Variants in SPI1 observed in about 807,000 individuals in gnomAD.
SPI1 encodes the protein transcription factor PU.1.
In SPI1, 3 loss-of-function variants were observed where a neutral mutation model predicts 30.7. The ratio of observed to expected loss-of-function variants is 0.10; its 90% CI spans 0.04 to 0.25. The LOEUF (loss-of-function observed/expected upper bound fraction) is 0.25, where lower values mean the gene tolerates loss of function less well. Ranked by LOEUF, SPI1 falls within the 10% of genes least tolerant of loss-of-function variation. The pLI, the probability that SPI1 is intolerant of heterozygous loss-of-function variation, is 1.00. For missense variants in SPI1, 261 were observed against 371.5 expected, an observed-to-expected ratio of 0.70 and a Z score of 2.45; for synonymous variants, 169 against 157.1, an observed-to-expected ratio of 1.08 and a Z score of -0.56.
At chr11:47,378,239 G>A (rs1268549842) in intron 1 of SPI1, 70 bp downstream of exon 1, 20 of 1,522,396 alleles carry the variant, frequency 1.3e-5, no homozygotes, top group South Asian at 6.9e-5. Context: ...GTGGGCTGGC[G>A]GGTTCGTGGG....
At position 47,359,835 on chromosome 11, in the gene SPI1, G is replaced by A; in HGVS notation, c.330+18C>T. On this transcript the variant is annotated intron_variant, in intron 3 of 4. Transcript: ENST00000378538. The surrounding 1 kb of genome is among the most constrained non-coding windows in gnomAD (Gnocchi z 5.1). Reference sequence around the variant, plus strand: ...GCCTGGCAGTCTCCTGGGGGACGGGGCAGGCGGTGGCATGCACCTGGTGGC... The same window carrying A: ...GCCTGGCAGTCTCCTGGGGGACGGGACAGGCGGTGGCATGCACCTGGTGGC... 1 of 1,600,830 alleles carries A rather than the reference G, an allele frequency of 6.2e-7. No individual in the cohort carries two copies. The highest frequency in any genetic ancestry group is 1.3e-5 in the African/African-American group (1 of 74,990).
chr11:47,356,202 C>T (rs937773714), intron 4 of SPI1, among the ~76,000 whole-genome samples: 1 of 151,410 alleles, frequency 6.6e-6, no homozygotes, highest in African/African-American at 2.4e-5. Flanking sequence ...TGCACCAGCT[C>T]ACACTCACAC....
At chr11:47,366,751 A>G (rs533735827) in intron 2 of SPI1, among the ~76,000 whole-genome samples, 2 of 152,128 alleles carry the variant, frequency 1.3e-5, no homozygotes, top group Middle Eastern at 3.4e-3. Context: ...AACCCAGGAG[A>G]TGGAGGTTGC....
Position 47,358,957 on chromosome 11 carries a change from G to A in SPI1, c.380C>T (p.Ala127Val). ...CTCCTCCTCATCTGAGCTGGGCTGGGCTGGGGACAGGGATGGGTACTGGAG... is the reference window on the plus strand; with the variant it reads ...CTCCTCCTCATCTGAGCTGGGCTGGACTGGGGACAGGGATGGGTACTGGAG... ...MCLQYPSLSP[A>V]QPSSDEEEGE... Residue 127 changes from alanine (A) to valine (V), a missense_variant, in exon 4 of 5, where the codon GCC becomes GTC. Ala to Val is a moderately conservative substitution (Grantham distance 64). Coordinates refer to ENST00000378538, the MANE Select transcript of SPI1 (RefSeq NM_003120.3). 1 of 1,558,834 alleles carries A rather than the reference G, an allele frequency of 6.4e-7. No individual in the cohort carries two copies. Among genetic ancestry groups the A allele is most frequent in the South Asian group, 1.2e-5 (1 of 81,270 alleles).
intron 2 of SPI1, among the ~76,000 whole-genome samples, chr11:47,360,485 C>G (rs2095919055): frequency 6.6e-6 from 1 of 152,174 alleles, no homozygotes; most frequent in Non-Finnish European, 1.5e-5. Flanking sequence ...ACACCTCGCA[C>G]CAGAGCCGGC....
At chr11:47,362,771 T>A (rs1398347658) in intron 2 of SPI1, among the ~76,000 whole-genome samples, 1 of 151,902 alleles carries the variant, frequency 6.6e-6, no homozygotes, top group African/African-American at 2.4e-5. Context: ...AGATGGGGTT[T>A]CACTATATTG....
chr11:47,369,482 A>C (rs1213318622), intron 2 of SPI1, among the ~76,000 whole-genome samples: 1 of 151,532 alleles, frequency 6.6e-6, no homozygotes, highest in Non-Finnish European at 1.5e-5. Flanking sequence ...CCTTTTAAAA[A>C]GCTTACTCAG....
intron 2 of SPI1, among the ~76,000 whole-genome samples, chr11:47,367,989 G>A (rs574178565): frequency 1.6e-4 from 25 of 151,924 alleles, no homozygotes; most frequent in Non-Finnish European, 2.6e-4. Context: ...TCTTGACCTT[G>A]TGATCCGCCT....
chr11:47,357,467 G>T (rs2095913106), intron 4 of SPI1, among the ~76,000 whole-genome samples: 1 of 150,742 alleles, frequency 6.6e-6, no homozygotes, highest in Non-Finnish European at 1.5e-5. Context: ...ACACCTACTT[G>T]CACACTCAAA....
chr11:47,360,797 C>G (rs1445594204), intron 2 of SPI1, among the ~76,000 whole-genome samples: 1 of 146,448 alleles, frequency 6.8e-6, no homozygotes. Context: ...TGCACTCCAG[C>G]CTGGCGACAG....
chr11:47,369,193 A>G lies in SPI1; in HGVS notation c.142+6440T>C, dbSNP rs185187231. The stretch of plus-strand genomic sequence containing the variant: ...CTTGATCCCAGGAGGCAGAGGTTGC[A>G]GTGAGCCGAGATCACGCCACTGCAC... On this transcript the variant is annotated intron_variant, in intron 2 of 4. Transcript: ENST00000378538. Among the ~76,000 whole-genome samples, 958 of 152,336 alleles carry G rather than the reference A, an allele frequency of 6.3e-3. 7 individuals are homozygous for G. The highest frequency in any genetic ancestry group is 0.01 in the Middle Eastern group (3 of 294).
intron 2 of SPI1, among the ~76,000 whole-genome samples, chr11:47,368,542 C>T (rs899702695): frequency 3.3e-5 from 5 of 152,186 alleles, no homozygotes; most frequent in Non-Finnish European, 5.9e-5. Context: ...GTGGCACATG[C>T]GCAAAACGTG....
chr11:47,377,270 G>A (rs1453668791), intron 1 of SPI1, among the ~76,000 whole-genome samples: 1 of 152,138 alleles, frequency 6.6e-6, no homozygotes, highest in Non-Finnish European at 1.5e-5. Context: ...AGCCTCCTGG[G>A]GTGGCTCTGA....
At chr11:47,369,286 A>T (rs908491283) in intron 2 of SPI1, among the ~76,000 whole-genome samples, 3 of 152,112 alleles carry the variant, frequency 2.0e-5, no homozygotes, top group Non-Finnish European at 4.4e-5. Flanking sequence ...CATAATAAAC[A>T]ATAGCAAATC....
intron 2 of SPI1, among the ~76,000 whole-genome samples, chr11:47,369,472 C>A (rs763140979): frequency 1.2e-4 from 18 of 150,452 alleles, no homozygotes; most frequent in Non-Finnish European, 2.4e-4. Flanking sequence ...CCCAGAGTGA[C>A]CTTTTAAAAA....
intron 4 of SPI1, among the ~76,000 whole-genome samples, chr11:47,356,886 A>G (rs1357137193): frequency 1.4e-5 from 1 of 74,022 alleles, no homozygotes; most frequent in Non-Finnish European, 3.2e-5. Flanking sequence ...ACTCAGCTAC[A>G]CACACACGCC....
At position 47,359,693 on chromosome 11, in the gene SPI1, TGGG is replaced by T. The variant is rs544183724; in HGVS notation, c.330+157_330+159del. Among the ~76,000 whole-genome samples the T allele has an allele frequency of 4.6e-4, 67 of 146,838 alleles. No individual in the cohort carries two copies. In the South Asian group the frequency reaches 0.012, roughly 26 times the overall value. The stretch of plus-strand genomic sequence containing the variant: ...AGGGGTGTGGGGTCATGAGGTCACT[TGGG>T]GGGTCAGGCGGCAGCCGTTGGAGCT... On this transcript the variant is annotated intron_variant, in intron 3 of 4. Transcript: ENST00000378538. The surrounding 1 kb of genome is among the most constrained non-coding windows in gnomAD (Gnocchi z 5.1).
At chr11:47,372,836 A>G (rs891148325) in intron 2 of SPI1, among the ~76,000 whole-genome samples, 22 of 152,282 alleles carry the variant, frequency 1.4e-4, no homozygotes, top group African/African-American at 5.3e-4. Context: ...AAGTATTTTC[A>G]TGCTGTCAGT....
At chr11:47,358,734 C>G in intron 4 of SPI1, 110 bp downstream of exon 4, 1 of 1,100,694 alleles carries the variant, frequency 9.1e-7, no homozygotes, top group East Asian at 2.6e-5. Flanking sequence ...TGCACACACA[C>G]ACACACGCGA....
Sources: allele counts gnomAD v4.1 joint callset (sites outside exome capture counted in the v4.1 genomes callset), GRCh38; gene constraint gnomAD v4.1.1; non-coding constraint Gnocchi (gnomAD v3.1); transcripts MANE v1.5; gene names NCBI Gene and HGNC (gene_info 2026-07-23, HGNC 2026-07-21).